Variants in GSTCD observed in about 807,000 individuals in gnomAD.
GSTCD encodes glutathione S-transferase C-terminal domain-containing protein.
Under a neutral mutation model 68.3 loss-of-function variants are expected in GSTCD, and 44 were observed. The observed-to-expected ratio is 0.64, with a 90% CI of 0.51 to 0.83. The LOEUF is 0.83. Ranked by LOEUF, GSTCD falls within the 40% of genes least tolerant of loss-of-function variation. The pLI is 0.00. For missense variants in GSTCD, 739 were observed against 735.9 expected (o/e 1.00, Z -0.05); for synonymous variants, 273 against 255.2 (o/e 1.07, Z -0.67).
chr4:105,842,053 T>G lies in GSTCD; in HGVS notation c.1696-12T>G. On this transcript the variant is annotated splice_polypyrimidine_tract_variant and intron_variant, in intron 10 of 11. Coordinates refer to ENST00000515279, the MANE Select transcript of GSTCD (RefSeq NM_001370181.1). ...TAAAAATAAACCCACATTCTATTGC[T>G]TTTTCTTTTAGGAACACATGATTCT... 1 of 1,609,958 alleles carries G rather than the reference T, an allele frequency of 6.2e-7. No individual in the cohort carries two copies. The highest frequency in any genetic ancestry group is 1.1e-5 in the South Asian group (1 of 90,942).
intron 5 of GSTCD, among the ~76,000 whole-genome samples, chr4:105,773,891 T>G (rs1163556986): frequency 1.3e-5 from 2 of 152,142 alleles, no homozygotes; most frequent in Non-Finnish European, 2.9e-5. Flanking sequence ...CAGAGCTGAG[T>G]TCAAATTTTG....
chr4:105,825,411 T>G (rs917556270), intron 7 of GSTCD, among the ~76,000 whole-genome samples: 2 of 152,222 alleles, frequency 1.3e-5, no homozygotes, highest in African/African-American at 4.8e-5. Context: ...ATTACAGGCG[T>G]GAGCCACCAC....
intron 5 of GSTCD, among the ~76,000 whole-genome samples, chr4:105,758,598 C>T (rs1734283764): frequency 6.6e-6 from 1 of 152,172 alleles, no homozygotes; most frequent in Non-Finnish European, 1.5e-5. Flanking sequence ...GTACAGCCTG[C>T]AGAACTGCAA....
chr4:105,729,457 C>G lies in GSTCD; in HGVS notation c.1198C>G (p.Leu400Val). The G allele has an allele frequency of 6.2e-7, 1 of 1,612,230 alleles. No individual in the cohort carries two copies. The highest frequency in any genetic ancestry group is 8.5e-7 in the Non-Finnish European group (1 of 1,178,894). Residue 400 changes from leucine (L) to valine (V), a missense_variant, in exon 5 of 12, where the codon CTT becomes GTT. Physicochemically the swap from Leu to Val is conservative, Grantham distance 32. Coordinates refer to ENST00000515279, the MANE Select transcript of GSTCD (RefSeq NM_001370181.1). Reference protein sequence around the residue: ...FSPHPCPTWTLDWNVLPAAVS... With the variant: ...FSPHPCPTWTVDWNVLPAAVS... ...TCCCCACCCTTGCCCTACTTGGACT[C>G]TTGATTGGAATGTTCTCCCTGCAGC...
At chr4:105,826,126 C>T (rs1435508943) in intron 8 of GSTCD, 1 of 152,940 alleles carries the variant, frequency 6.5e-6, no homozygotes, top group Non-Finnish European at 1.5e-5. Context: ...GTTTATTCTG[C>T]ATTTTTAGAA....
chr4:105,796,743 A>G (rs1282647234), intron 5 of GSTCD, among the ~76,000 whole-genome samples: 6 of 152,216 alleles, frequency 3.9e-5, no homozygotes, highest in Admixed American at 2.6e-4. Flanking sequence ...TGATTAGGCC[A>G]TATACTCCTA....
intron 5 of GSTCD, among the ~76,000 whole-genome samples, chr4:105,777,572 G>A (rs1474119420): frequency 1.3e-5 from 2 of 152,224 alleles, no homozygotes; most frequent in South Asian, 4.2e-4. Context: ...AAGTTACTTA[G>A]GTTCACATTT....
intron 5 of GSTCD, chr4:105,746,560 A>T (rs188691547): frequency 6.6e-6 from 1 of 152,234 alleles, no homozygotes; most frequent in Non-Finnish European, 1.5e-5. Flanking sequence ...AACAAGAATT[A>T]TGAACTGGTA....
chr4:105,749,764 G>GT (rs1296990911), intron 5 of GSTCD, among the ~76,000 whole-genome samples: 2 of 152,076 alleles, frequency 1.3e-5, no homozygotes, highest in Non-Finnish European at 2.9e-5. Context: ...TAGGCAATGT[G>GT]TTCTTATATG....
Position 105,775,812 on chromosome 4 carries a change from AG to A in GSTCD, c.1240+46315del, listed in dbSNP as rs755702603. Among the ~76,000 whole-genome samples the A allele has an allele frequency of 3.3e-3, 508 of 152,334 alleles. 6 individuals are homozygous for A. Among genetic ancestry groups the A allele is most frequent in the Non-Finnish European group, 5.6e-3 (384 of 68,030 alleles). On this transcript the variant is annotated intron_variant, in intron 5 of 11. Transcript: ENST00000515279. ...CCCTGCTGGGAGGTGTCTCCCAGTC[AG>A]GAGGCACGGTGGTCAGGGACCCACT...
chr4:105,766,596 G>A (rs1005041598), intron 5 of GSTCD, among the ~76,000 whole-genome samples: 19 of 152,086 alleles, frequency 1.2e-4, no homozygotes, highest in African/African-American at 4.1e-4. Flanking sequence ...TAATACCCAC[G>A]TAAAAATTCA....
chr4:105,772,174 T>C (rs1321328437), intron 5 of GSTCD, among the ~76,000 whole-genome samples: 4 of 152,142 alleles, frequency 2.6e-5, no homozygotes, highest in Non-Finnish European at 5.9e-5. Flanking sequence ...TTGTCCATTA[T>C]TGGTGCATAG....
intron 5 of GSTCD, among the ~76,000 whole-genome samples, chr4:105,735,097 A>T (rs1733411687): frequency 6.6e-6 from 1 of 152,044 alleles, no homozygotes; most frequent in South Asian, 2.1e-4. Context: ...CCTACTGGGG[A>T]GTGCCTCCCA....
intron 5 of GSTCD, among the ~76,000 whole-genome samples, chr4:105,785,280 G>A (rs1045886897): frequency 6.6e-6 from 1 of 152,042 alleles, no homozygotes; most frequent in Non-Finnish European, 1.5e-5. Flanking sequence ...AGAAAACAGA[G>A]TAGCATCTCT....
intron 5 of GSTCD, among the ~76,000 whole-genome samples, chr4:105,738,897 G>A (rs1011395779): frequency 6.6e-6 from 1 of 152,198 alleles, no homozygotes; most frequent in African/African-American, 2.4e-5. Flanking sequence ...TGGTGAGAAT[G>A]GGCATCCTTG....
intron 5 of GSTCD, among the ~76,000 whole-genome samples, chr4:105,742,601 G>A (rs1049108420): frequency 2.0e-5 from 3 of 152,126 alleles, no homozygotes; most frequent in Non-Finnish European, 4.4e-5. Context: ...TTAGCACAGT[G>A]CCTAGGAAAC....
chr4:105,753,863 A>G (rs1734090676), intron 5 of GSTCD, among the ~76,000 whole-genome samples: 1 of 152,068 alleles, frequency 6.6e-6, no homozygotes, highest in South Asian at 2.1e-4. Flanking sequence ...TTCTTGAATA[A>G]TTTATCTCTT....
chr4:105,822,928 T>C, intron 5 of GSTCD, 26 bp from the exon 6 acceptor site: 1 of 1,520,342 alleles, frequency 6.6e-7, no homozygotes, highest in South Asian at 1.1e-5. Flanking sequence ...TAATGTTTTG[T>C]GTTCTTCATT....
Position 105,719,459 on chromosome 4 carries a change from G to A in GSTCD, c.826G>A (p.Val276Met), listed in dbSNP as rs1293353676. Reference sequence around the variant, plus strand: ...CTCCGACCTTCCACCTCTGGAGCATGTGTTTGCAGAAGGGCTTTACTTCAC... The same window carrying A: ...CTCCGACCTTCCACCTCTGGAGCATATGTTTGCAGAAGGGCTTTACTTCAC... ...KASDLPPLEHVFAEGLYFTLA... is the reference protein window; with the variant it reads ...KASDLPPLEHMFAEGLYFTLA... The change falls in exon 3 of 12, where the codon GTG becomes ATG. Residue 276 changes from valine (V) to methionine (M), a missense_variant. Val to Met is a conservative substitution (Grantham distance 21). Coordinates refer to ENST00000515279, the MANE Select transcript of GSTCD (RefSeq NM_001370181.1). The A allele has an allele frequency of 1.9e-6, 3 of 1,614,104 alleles. No homozygotes were observed. The highest frequency in any genetic ancestry group is 3.3e-4 in the Middle Eastern group (2 of 6,062).
Sources: allele counts gnomAD v4.1 joint callset (sites outside exome capture counted in the v4.1 genomes callset), GRCh38; gene constraint gnomAD v4.1.1; transcripts MANE v1.5; gene names NCBI Gene and HGNC (gene_info 2026-07-23, HGNC 2026-07-21).